Variants in CAMSAP2 observed in about 807,000 individuals in gnomAD.
CAMSAP2 encodes calmodulin-regulated spectrin-associated protein 2.
CAMSAP2 carries 26 observed loss-of-function variants against 146.1 expected under a neutral mutation model. The ratio of observed to expected loss-of-function variants is 0.18; its 90% CI spans 0.13 to 0.25. The LOEUF (loss-of-function observed/expected upper bound fraction) is 0.25, where lower values mean the gene tolerates loss of function less well. Ranked by LOEUF, CAMSAP2 falls within the 10% of genes least tolerant of loss-of-function variation. The pLI, the probability that CAMSAP2 is intolerant of heterozygous loss-of-function variation, is 1.00. For synonymous variants in CAMSAP2, 499 were observed against 596.6 expected, an observed-to-expected ratio of 0.84 and a Z score of 2.38; for missense variants, 1,381 against 1,759.3, an observed-to-expected ratio of 0.78 and a Z score of 3.85.
chr1:200,853,303 AAAG>A lies in CAMSAP2; in HGVS notation c.3636_3638del (p.Glu1212del). 1 of 1,613,520 alleles carries A rather than the reference AAAG, an allele frequency of 6.2e-7. No individual in the cohort carries two copies. Among genetic ancestry groups the A allele is most frequent in the South Asian group, 1.1e-5 (1 of 91,048 alleles). On this transcript the variant is annotated inframe_deletion, in exon 13 of 17. Transcript: ENST00000358823. This position sits in a 1 kb window ranked among gnomAD's most constrained non-coding sequence, Gnocchi z 5.1. ...TAAAACTGAGGAAGAACGTCAGAAG[AAAG>A]AAGATGAGAGAGCACGCAGAGAATT...
intron 2 of CAMSAP2, among the ~76,000 whole-genome samples, chr1:200,775,370 A>G (rs1665242279): frequency 1.3e-5 from 2 of 152,378 alleles, no homozygotes; most frequent in East Asian, 1.9e-4. Flanking sequence ...GTGAAGCTCT[A>G]TAAGCCAGAT....
chr1:200,800,703 A>G (rs1015823499), intron 2 of CAMSAP2, among the ~76,000 whole-genome samples: 5 of 152,178 alleles, frequency 3.3e-5, no homozygotes, highest in Non-Finnish European at 5.9e-5. Flanking sequence ...TTATCCTGTC[A>G]TTATGATGCT....
intron 2 of CAMSAP2, among the ~76,000 whole-genome samples, chr1:200,767,679 C>CCTTGTGA (rs1260342987): frequency 6.6e-6 from 1 of 151,816 alleles, no homozygotes. Flanking sequence ...TTCTGGTCAC[C>CCTTGTGA]CTTGTATATG....
chr1:200,848,975 C>G lies in CAMSAP2; in HGVS notation c.2206C>G (p.Leu736Val), dbSNP rs1047351827. 4 of 1,614,008 alleles carry G rather than the reference C, an allele frequency of 2.5e-6. No homozygotes were observed. In the African/African-American group the frequency reaches 5.3e-5, roughly 22 times the overall value. The change falls in exon 11 of 17, where the codon CTT becomes GTT. Residue 736 changes from leucine to valine, a missense_variant. Leu to Val is a conservative substitution (Grantham distance 32, BLOSUM62 1). Around this residue, in one of 4 missense-constraint regions of CAMSAP2, gnomAD observed 560 missense variants for 715.9 expected, o/e 0.78. Coordinates refer to ENST00000358823, the MANE Select transcript of CAMSAP2 (RefSeq NM_203459.4). The part of the protein sequence containing the change: ...AWAQIPEETG[L>V]PQGRDTTQLL... Reference sequence around the variant, plus strand: ...GGCACAAATTCCAGAAGAAACAGGGCTTCCACAGGGACGGGACACTACCCA... The same window carrying G: ...GGCACAAATTCCAGAAGAAACAGGGGTTCCACAGGGACGGGACACTACCCA...
At chr1:200,843,846 T>TTTTG (rs528379325) in intron 7 of CAMSAP2, among the ~76,000 whole-genome samples, 40 of 152,140 alleles carry the variant, frequency 2.6e-4, no homozygotes, top group African/African-American at 9.6e-4. Flanking sequence ...TTTGTTTTTT[T>TTTTG]TTTGTTTGTT....
chr1:200,760,454 A>G (rs1160236384), intron 1 of CAMSAP2, among the ~76,000 whole-genome samples: 1 of 152,144 alleles, frequency 6.6e-6, no homozygotes, highest in African/African-American at 2.4e-5. Context: ...TGAAATACCT[A>G]TTGTGCATTT....
chr1:200,849,546 CACAGAA>C lies in CAMSAP2; in HGVS notation c.2783_2788del (p.Lys928_Gln929del). 6.2e-7 allele frequency: 1 copy of C among 1,614,180 alleles called. No homozygotes were observed. The highest frequency in any genetic ancestry group is 8.5e-7 in the Non-Finnish European group (1 of 1,180,032). ...GTGATTTCACCTCCACAACCCTCTCCACAGAAACAGATTCGAGATTTTAAGCCTTCT... is the reference window on the plus strand; with the variant it reads ...GTGATTTCACCTCCACAACCCTCTCCACAGATTCGAGATTTTAAGCCTTCT... On this transcript the variant is annotated inframe_deletion, in exon 11 of 17. Transcript: ENST00000358823. This position sits in a 1 kb window ranked among gnomAD's most constrained non-coding sequence, Gnocchi z 6.3.
intron 2 of CAMSAP2, among the ~76,000 whole-genome samples, chr1:200,806,777 C>G (rs199661955): frequency 0.055 from 5,979 of 108,240 alleles, 152 homozygotes; most frequent in Non-Finnish European, 0.094. Context: ...ATCTATCTAT[C>G]TATCTATCTA....
intron 2 of CAMSAP2, among the ~76,000 whole-genome samples, chr1:200,765,917 G>T (rs1472832758): frequency 6.6e-6 from 1 of 152,160 alleles, no homozygotes; most frequent in Non-Finnish European, 1.5e-5. Context: ...GCTAGATCAT[G>T]AAGAGTCTGT....
At chr1:200,851,554 T>G (rs1667620308) in intron 11 of CAMSAP2, among the ~76,000 whole-genome samples, 1 of 152,176 alleles carries the variant, frequency 6.6e-6, no homozygotes, top group Admixed American at 6.5e-5. Flanking sequence ...CTACAATATA[T>G]GTAATTTGAT....
At chr1:200,758,574 C>T (rs1019001258) in intron 1 of CAMSAP2, among the ~76,000 whole-genome samples, 2 of 152,182 alleles carry the variant, frequency 1.3e-5, no homozygotes, top group Non-Finnish European at 2.9e-5. Context: ...TTTTAGATGT[C>T]ACCAAAATCC....
At chr1:200,825,038 G>A (rs1457280959) in intron 4 of CAMSAP2, among the ~76,000 whole-genome samples, 2 of 152,022 alleles carry the variant, frequency 1.3e-5, no homozygotes, top group Non-Finnish European at 2.9e-5. Flanking sequence ...AGATTTGTTT[G>A]CAATTTTTTT....
chr1:200,793,712 T>A (rs1017718926), intron 2 of CAMSAP2, among the ~76,000 whole-genome samples: 4 of 152,208 alleles, frequency 2.6e-5, no homozygotes, highest in East Asian at 1.9e-4. Flanking sequence ...CTTTTTTTTT[T>A]ATTTTCATCT....
In CAMSAP2 at chr1:200,856,137, T is replaced by C. The variant is rs1667747120; in HGVS notation, c.4012+12T>C. The C allele has an allele frequency of 4.5e-6, 7 of 1,549,312 alleles. No homozygotes were observed. The highest frequency in any genetic ancestry group is 6.2e-6 in the Non-Finnish European group (7 of 1,127,800). On this transcript the variant is annotated intron_variant, in intron 15 of 16. Coordinates refer to ENST00000358823, the MANE Select transcript of CAMSAP2 (RefSeq NM_203459.4). ...AACAGAATATACAGGTTAGTGTCTATACATTTTTAGAGAAACATTTGAATT... is the reference window on the plus strand; with the variant it reads ...AACAGAATATACAGGTTAGTGTCTACACATTTTTAGAGAAACATTTGAATT...
Position 200,848,946 on chromosome 1 carries a change from C to A in CAMSAP2, c.2177C>A (p.Ala726Asp). Residue 726 changes from alanine to aspartate, a missense_variant, in exon 11 of 17, where the codon GCT becomes GAT. This residue lies in a region of CAMSAP2 where 560 missense variants were observed against 715.9 expected (regional missense o/e 0.78). Coordinates refer to ENST00000358823, the MANE Select transcript of CAMSAP2 (RefSeq NM_203459.4). ...GAACTTAATATTCCTCATGTGGTTG[C>A]TTGGGCACAAATTCCAGAAGAAACA... ...GSELNIPHVV[A>D]WAQIPEETGL... 6.2e-7 allele frequency: 1 copy of A among 1,614,144 alleles called. No homozygotes were observed. The highest frequency in any genetic ancestry group is 8.5e-7 in the Non-Finnish European group (1 of 1,180,006).
chr1:200,833,667 TAGTA>T (rs1667102101), intron 6 of CAMSAP2, among the ~76,000 whole-genome samples: 1 of 152,190 alleles, frequency 6.6e-6, no homozygotes, highest in African/African-American at 2.4e-5. Context: ...TGCTTACAAA[TAGTA>T]AGATTCTTTA....
chr1:200,776,661 T>C (rs1460318522), intron 2 of CAMSAP2, among the ~76,000 whole-genome samples: 1 of 151,810 alleles, frequency 6.6e-6, no homozygotes, highest in Non-Finnish European at 1.5e-5. Context: ...GAGGTGGAGG[T>C]TGCAGTGAGC....
At chr1:200,831,266 G>A (rs1667036435) in intron 4 of CAMSAP2, among the ~76,000 whole-genome samples, 1 of 152,122 alleles carries the variant, frequency 6.6e-6, no homozygotes, top group African/African-American at 2.4e-5. Context: ...TTTATTGATT[G>A]CTTGCTGTGT....
chr1:200,793,969 A>G (rs1665819065), intron 2 of CAMSAP2, among the ~76,000 whole-genome samples: 4 of 152,216 alleles, frequency 2.6e-5, no homozygotes, highest in Non-Finnish European at 5.9e-5. Flanking sequence ...TATTCTGTGG[A>G]TGTAGTAACA....
Sources: allele counts gnomAD v4.1 joint callset (sites outside exome capture counted in the v4.1 genomes callset), GRCh38; gene constraint gnomAD v4.1.1; regional missense constraint gnomAD v4.1.1; non-coding constraint Gnocchi (gnomAD v3.1); transcripts MANE v1.5; gene names NCBI Gene and HGNC (gene_info 2026-07-23, HGNC 2026-07-21).